The following BPIFB4 variants were observed in gnomAD, a reference collection of about 807,000 sequenced individuals.
The protein encoded by BPIFB4 is BPI fold containing family B member 4.
In BPIFB4, 62 loss-of-function variants were observed where a neutral mutation model predicts 69.2. That is an observed-to-expected ratio of 0.90 (90% CI 0.73 to 1.11). The LOEUF is 1.11. BPIFB4 is among the 50% of genes least tolerant of loss of function. The pLI is 0.00. For synonymous variants in BPIFB4, 330 were observed against 332.7 expected (o/e 0.99, Z 0.09); for missense variants, 789 against 792.0 (o/e 1.00, Z 0.04).
rs1293366322 is a variant in BPIFB4 at position 33,081,494 on chromosome 20, G to A, written c.-15-18G>A. On this transcript the variant is annotated intron_variant, in intron 2 of 17. Transcript: ENST00000375483. ...GTGGCGCCCAGCCACATCTGCATCT[G>A]CACTTTCTCCTCCACAGGGAAGCAG... The A allele has an allele frequency of 2.6e-6, 4 of 1,551,012 alleles. No individual in the cohort carries two copies. The highest frequency in any genetic ancestry group is 3.5e-6 in the Non-Finnish European group (4 of 1,146,792).
At position 33,100,429 on chromosome 20, in the gene BPIFB4, A is replaced by G; in HGVS notation, c.1573A>G (p.Thr525Ala). 1 of 1,595,624 alleles carries G rather than the reference A, an allele frequency of 6.3e-7. No homozygotes were observed. The highest frequency in any genetic ancestry group is 8.6e-7 in the Non-Finnish European group (1 of 1,163,126). Residue 525 changes from threonine (T) to alanine (A), a missense_variant, in exon 14 of 18, where the codon ACA becomes GCA. Around this residue, in one of 3 missense-constraint regions of BPIFB4, gnomAD observed 170 missense variants for 193.6 expected, o/e 0.88. Transcript: ENST00000375483. ...ETTICLIDVDTEFLASFSTEG... is the reference protein window; with the variant it reads ...ETTICLIDVDAEFLASFSTEG... ...TTCTCCTTTCCTTTCCCTCCAGGAC[A>G]CAGAATTCTTGGCCTCATTTTCCAC...
At chr20:33,103,881 A>G (rs1981973631) in intron 15 of BPIFB4, among the ~76,000 whole-genome samples, 1 of 152,232 alleles carries the variant, frequency 6.6e-6, no homozygotes, top group South Asian at 2.1e-4. Context: ...CTGGACTCCA[A>G]GTGAAGAAAG....
intron 15 of BPIFB4, among the ~76,000 whole-genome samples, chr20:33,103,957 G>A (rs540556752): frequency 3.3e-5 from 5 of 152,158 alleles, no homozygotes; most frequent in African/African-American, 7.2e-5. Flanking sequence ...ACTGAATTAT[G>A]CTTTTTTTTC....
intron 9 of BPIFB4, 73 bp downstream of exon 9, chr20:33,089,631 T>C: frequency 6.2e-7 from 1 of 1,610,364 alleles, no homozygotes; most frequent in Non-Finnish European, 8.5e-7. Flanking sequence ...GAGGGCTCAA[T>C]GTGGTGGGGG....
intron 17 of BPIFB4, among the ~76,000 whole-genome samples, chr20:33,108,136 G>A (rs1030175048): frequency 2.0e-5 from 3 of 152,168 alleles, no homozygotes; most frequent in Admixed American, 1.3e-4. Context: ...GTTCATTGGA[G>A]CAACTTTTAT....
In BPIFB4 at chr20:33,090,722, G is replaced by C. The variant is rs1335713318; in HGVS notation, c.1066G>C (p.Gly356Arg). 6.2e-7 allele frequency: 1 copy of C among 1,614,030 alleles called. No homozygotes were observed. The highest frequency in any genetic ancestry group is 1.3e-5 in the African/African-American group (1 of 74,920). The change falls in exon 10 of 18, where the codon GGG (glycine) becomes CGG (arginine). Residue 356 changes from glycine to arginine, a missense_variant. Gly to Arg is a moderately radical substitution (Grantham distance 125). Coordinates refer to ENST00000375483, the MANE Select transcript of BPIFB4 (RefSeq NM_182519.3). ...TTTGCCTGCAGCTCTGATTCCTCTG[G>C]GGATATTGGGAAGTGTCCAGTACAC... Reference protein sequence around the residue: ...LGLVDSLIPLGILGSVQYTFS... With the variant: ...LGLVDSLIPLRILGSVQYTFS...
At chr20:33,106,922 A>G (rs1982074808) in intron 16 of BPIFB4, among the ~76,000 whole-genome samples, 1 of 152,198 alleles carries the variant, frequency 6.6e-6, no homozygotes, top group South Asian at 2.1e-4. Flanking sequence ...AGAAATTGCC[A>G]GGGCCGGGCA....
chr20:33,104,644 G>C, intron 15 of BPIFB4, 166 bp from the exon 16 acceptor site: 2 of 606,188 alleles, frequency 3.3e-6, no homozygotes, highest in Non-Finnish European at 5.7e-6. Flanking sequence ...GCACCTTAAG[G>C]CTGCCGGTGA....
intron 12 of BPIFB4, among the ~76,000 whole-genome samples, chr20:33,096,752 G>T (rs921406745): frequency 6.6e-6 from 1 of 152,198 alleles, no homozygotes; most frequent in Non-Finnish European, 1.5e-5. Context: ...GCAGCAGGGG[G>T]GATTCAGGCT....
chr20:33,095,337 A>G (rs1981727930), intron 12 of BPIFB4, among the ~76,000 whole-genome samples, 184 bp downstream of exon 12: 1 of 152,160 alleles, frequency 6.6e-6, no homozygotes, highest in Non-Finnish European at 1.5e-5. Context: ...GCGGGGGAAG[A>G]CACAGAGGGT....
At chr20:33,092,357 A>T in intron 10 of BPIFB4, 101 bp from the exon 11 acceptor site, 1 of 1,114,010 alleles carries the variant, frequency 9.0e-7, no homozygotes, top group Non-Finnish European at 1.3e-6. Context: ...TTTAACCAAA[A>T]ATGGCTGCCT....
intron 7 of BPIFB4, 48 bp from the exon 8 acceptor site, chr20:33,088,918 C>T: frequency 6.2e-7 from 1 of 1,611,672 alleles, no homozygotes; most frequent in Non-Finnish European, 8.5e-7. Flanking sequence ...CCTTGGTGAG[C>T]CCCACATGGC....
intron 16 of BPIFB4, 39 bp downstream of exon 16, chr20:33,104,912 C>A: frequency 6.3e-7 from 1 of 1,597,488 alleles, no homozygotes; most frequent in Non-Finnish European, 8.6e-7. Flanking sequence ...GAGCTTGTGG[C>A]TTGGGTACTG....
In BPIFB4 at chr20:33,092,331, A is replaced by T. The variant is rs1029291342; in HGVS notation, c.1144-127A>T. ...AGTGGGGACCATGCATCAAAGAGCC[A>T]CTCAGACTCAGTGGGTTTAACCAAA... On this transcript the variant is annotated intron_variant, in intron 10 of 17. Coordinates refer to ENST00000375483, the MANE Select transcript of BPIFB4 (RefSeq NM_182519.3). 4 of 730,152 alleles carry T rather than the reference A, an allele frequency of 5.5e-6. No individual in the cohort carries two copies. The Admixed American group carries it at 1.0e-4, about 18-fold the overall frequency. 45.2% of individuals were successfully genotyped at this position (730,152 alleles called of 1,614,324 possible).
At chr20:33,105,415 C>A (rs1274948058) in intron 16 of BPIFB4, among the ~76,000 whole-genome samples, 1 of 152,108 alleles carries the variant, frequency 6.6e-6, no homozygotes, top group Admixed American at 6.5e-5. Context: ...CCAGAATCTG[C>A]CCCCCTAGGG....
intron 11 of BPIFB4, among the ~76,000 whole-genome samples, chr20:33,093,906 C>T (rs1324186076): frequency 1.3e-5 from 2 of 152,176 alleles, no homozygotes; most frequent in East Asian, 1.9e-4. Flanking sequence ...ACCCACTCAC[C>T]CATTATCAAT....
intron 12 of BPIFB4, among the ~76,000 whole-genome samples, chr20:33,097,380 T>C (rs1259946202): frequency 6.6e-6 from 1 of 152,192 alleles, no homozygotes. Context: ...GTGTCAGGCA[T>C]TGAGCCTGAA....
intron 7 of BPIFB4, among the ~76,000 whole-genome samples, chr20:33,087,496 G>A (rs919297959): frequency 9.9e-5 from 15 of 152,036 alleles, no homozygotes; most frequent in Non-Finnish European, 2.1e-4. Flanking sequence ...TTACAGCTAC[G>A]TAATATTCCA....
chr20:33,092,706 G>GC, intron 11 of BPIFB4, 48 bp downstream of exon 11: 1 of 1,521,766 alleles, frequency 6.6e-7, no homozygotes, highest in Non-Finnish European at 9.0e-7. Flanking sequence ...GCAGACAGCT[G>GC]CCAGTGACCC....
Sources: allele counts gnomAD v4.1 joint callset (sites outside exome capture counted in the v4.1 genomes callset), GRCh38; gene constraint gnomAD v4.1.1; regional missense constraint gnomAD v4.1.1; transcripts MANE v1.5; gene names NCBI Gene and HGNC (gene_info 2026-07-23, HGNC 2026-07-21).